The following GPR158 variants were observed in gnomAD, a reference collection of about 807,000 sequenced individuals.
GPR158 encodes the protein G protein-coupled receptor 158.
GPR158 carries 30 observed loss-of-function variants against 78.2 expected under a neutral mutation model. The observed-to-expected ratio is 0.38, with a 90% CI of 0.29 to 0.52. The LOEUF (loss-of-function observed/expected upper bound fraction) is 0.52, where lower values mean the gene tolerates loss of function less well. Ranked by LOEUF, GPR158 falls within the 20% of genes least tolerant of loss-of-function variation. GPR158 has a pLI of 0.83. For missense variants in GPR158, 1,463 were observed against 1,523.5 expected, an observed-to-expected ratio of 0.96 and a Z score of 0.66; for synonymous variants, 581 against 591.1, an observed-to-expected ratio of 0.98 and a Z score of 0.25.
chr10:25,224,356 C>T (rs1853343455), intron 2 of GPR158, among the ~76,000 whole-genome samples: 1 of 151,716 alleles, frequency 6.6e-6, no homozygotes, highest in African/African-American at 2.4e-5. Flanking sequence ...ACCTTTTAAA[C>T]ATCAGTCCAA....
chr10:25,390,381 T>C (rs1588841287), intron 2 of GPR158, among the ~76,000 whole-genome samples: 1 of 152,222 alleles, frequency 6.6e-6, no homozygotes, highest in East Asian at 1.9e-4. Context: ...ACCAAAATGC[T>C]GATAGTGATA....
At chr10:25,522,333 T>C (rs1386284844) in intron 5 of GPR158, among the ~76,000 whole-genome samples, 1 of 152,220 alleles carries the variant, frequency 6.6e-6, no homozygotes, top group East Asian at 1.9e-4. Context: ...ATAAATCGCC[T>C]GCTTTTAAAA....
chr10:25,278,248 AT>A (rs1416515512), intron 2 of GPR158, among the ~76,000 whole-genome samples: 1 of 152,198 alleles, frequency 6.6e-6, no homozygotes, highest in Non-Finnish European at 1.5e-5. Context: ...CAAATATGCC[AT>A]GCAGATTTAA....
At chr10:25,555,594 T>A (rs1043260488) in intron 6 of GPR158, among the ~76,000 whole-genome samples, 1 of 152,162 alleles carries the variant, frequency 6.6e-6, no homozygotes, top group South Asian at 2.1e-4. Context: ...TAGCCAGATA[T>A]ATTTTCAGGA....
In GPR158 at chr10:25,176,019, G is replaced by A. The variant is rs1197032663; in HGVS notation, c.599G>A (p.Arg200His). ...VFLQATREES[R>H]ILLQDLSSSA... ...CTCCAGGCCACGCGCGAGGAGAGCC[G>A]CATCCTGCTCCAAGACCTGTCCTCC... The change falls in exon 1 of 11, where the codon CGC (arginine) becomes CAC (histidine). Residue 200 changes from arginine (R) to histidine (H), a missense_variant. By Grantham distance (29) the Arg-to-His change is conservative (BLOSUM62 0). Coordinates refer to ENST00000376351, the MANE Select transcript of GPR158 (RefSeq NM_020752.3). The surrounding 1 kb of genome is among the most constrained non-coding windows in gnomAD (Gnocchi z 6.3). 1 of 1,611,558 alleles carries A rather than the reference G, an allele frequency of 6.2e-7. No individual in the cohort carries two copies. The highest frequency in any genetic ancestry group is 8.5e-7 in the Non-Finnish European group (1 of 1,179,256).
chr10:25,397,208 T>C (rs769868937), intron 3 of GPR158, among the ~76,000 whole-genome samples: 16 of 152,226 alleles, frequency 1.1e-4, no homozygotes, highest in Non-Finnish European at 1.6e-4. Context: ...TATTCCAGAA[T>C]TGAAACTTGG....
intron 1 of GPR158, among the ~76,000 whole-genome samples, chr10:25,217,183 G>C (rs111739284): frequency 0.013 from 1,980 of 152,230 alleles, 46 homozygotes; most frequent in African/African-American, 0.046. Flanking sequence ...TGAATGCAAT[G>C]GTCTCTTTCT....
chr10:25,557,647 C>T (rs952264919), intron 6 of GPR158, among the ~76,000 whole-genome samples: 10 of 152,106 alleles, frequency 6.6e-5, no homozygotes, highest in Admixed American at 2.0e-4. Flanking sequence ...CTTTCAGAAA[C>T]GAATCAGGGA....
chr10:25,561,374 G>C (rs1836858224), intron 6 of GPR158, among the ~76,000 whole-genome samples: 1 of 152,160 alleles, frequency 6.6e-6, no homozygotes, highest in Admixed American at 6.6e-5. Flanking sequence ...GGCAGACCAT[G>C]GTCCTAGAAT....
intron 2 of GPR158, among the ~76,000 whole-genome samples, chr10:25,352,277 C>A (rs12778704): frequency 6.6e-6 from 1 of 151,912 alleles, no homozygotes; most frequent in South Asian, 2.1e-4. Flanking sequence ...AAAAACTAAC[C>A]CTGTGAGCTT....
intron 5 of GPR158, among the ~76,000 whole-genome samples, chr10:25,539,788 A>G (rs1836550871): frequency 6.6e-6 from 1 of 152,208 alleles, no homozygotes; most frequent in Non-Finnish European, 1.5e-5. Context: ...TGGTAATTGT[A>G]TAAATGTAAA....
intron 2 of GPR158, among the ~76,000 whole-genome samples, chr10:25,359,727 A>T (rs940650898): frequency 2.6e-5 from 4 of 152,170 alleles, no homozygotes; most frequent in African/African-American, 9.7e-5. Context: ...ATATGTGTAC[A>T]TGTGTCTTTA....
chr10:25,476,180 A>G (rs1369669353), intron 5 of GPR158, among the ~76,000 whole-genome samples: 1 of 152,188 alleles, frequency 6.6e-6, no homozygotes, highest in Non-Finnish European at 1.5e-5. Flanking sequence ...TTTGTGAACG[A>G]GTGATCACTA....
intron 2 of GPR158, among the ~76,000 whole-genome samples, chr10:25,334,933 C>T (rs962796566): frequency 6.6e-5 from 10 of 151,836 alleles, no homozygotes; most frequent in Non-Finnish European, 1.2e-4. Context: ...AGGGAATGGA[C>T]GGGAATCAAT....
intron 4 of GPR158, among the ~76,000 whole-genome samples, chr10:25,438,290 T>C (rs2130585456): frequency 6.6e-6 from 1 of 152,296 alleles, no homozygotes; most frequent in African/African-American, 2.4e-5. Flanking sequence ...GAAGGATTAC[T>C]GAAAGCCCAG....
intron 3 of GPR158, among the ~76,000 whole-genome samples, chr10:25,408,400 C>G (rs185216485): frequency 6.6e-6 from 1 of 152,248 alleles, no homozygotes; most frequent in East Asian, 1.9e-4. Flanking sequence ...TTGGTTGTTT[C>G]TGATGGGAAG....
chr10:25,419,516 A>G (rs1834716233), intron 4 of GPR158, among the ~76,000 whole-genome samples: 1 of 152,196 alleles, frequency 6.6e-6, no homozygotes, highest in African/African-American at 2.4e-5. Flanking sequence ...ATACCTAGTA[A>G]TGGAATTGCT....
At chr10:25,203,275 A>G (rs1296624063) in intron 1 of GPR158, among the ~76,000 whole-genome samples, 2 of 152,144 alleles carry the variant, frequency 1.3e-5, no homozygotes, top group Admixed American at 6.5e-5. Context: ...CCATTTGTCA[A>G]TTCTGGCTTT....
At chr10:25,318,247 T>G (rs909715795) in intron 2 of GPR158, among the ~76,000 whole-genome samples, 3 of 152,032 alleles carry the variant, frequency 2.0e-5, no homozygotes, top group African/African-American at 7.2e-5. Flanking sequence ...AATTTACCCT[T>G]TTGGCTCATT....
Sources: allele counts gnomAD v4.1 joint callset (sites outside exome capture counted in the v4.1 genomes callset), GRCh38; gene constraint gnomAD v4.1.1; non-coding constraint Gnocchi (gnomAD v3.1); transcripts MANE v1.5; gene names NCBI Gene and HGNC (gene_info 2026-07-23, HGNC 2026-07-21).